USP3: variants seen among roughly 807,000 people sequenced by gnomAD.
USP3 encodes ubiquitin carboxyl-terminal hydrolase 3.
In USP3, 20 loss-of-function variants were observed where a neutral mutation model predicts 72.3. That is an observed-to-expected ratio of 0.28 (90% CI 0.19 to 0.40). The LOEUF is 0.40. USP3 is among the 10% of genes least tolerant of loss of function. The pLI, the probability that USP3 is intolerant of heterozygous loss-of-function variation, is 1.00. For synonymous variants in USP3, 222 were observed against 225.3 expected, an observed-to-expected ratio of 0.99 and a Z score of 0.13; for missense variants, 479 against 633.9, an observed-to-expected ratio of 0.76 and a Z score of 2.62.
chr15:63,526,293 C>T (rs2065980880), intron 1 of USP3, among the ~76,000 whole-genome samples: 1 of 152,182 alleles, frequency 6.6e-6, no homozygotes, highest in African/African-American at 2.4e-5. Context: ...TTGCAACAGT[C>T]AGTGCCTTGA....
chr15:63,565,498 T>G (rs913866639), intron 8 of USP3, among the ~76,000 whole-genome samples: 2 of 152,194 alleles, frequency 1.3e-5, no homozygotes, highest in African/African-American at 2.4e-5. Flanking sequence ...GGTTCAAAAT[T>G]CAAAAGGTAA....
intron 1 of USP3, among the ~76,000 whole-genome samples, chr15:63,509,057 A>C (rs1367130162): frequency 6.6e-6 from 1 of 152,216 alleles, no homozygotes; most frequent in Admixed American, 6.5e-5. Context: ...CAGTGGTAAT[A>C]AATTTGTAAT....
rs578032934 is a variant in USP3, at chr15:63,587,373, G to GATTGCATCAGGAATTGGCACAGGGGCC, written c.1097-930_1097-904dup. On this transcript the variant is annotated intron_variant, in intron 11 of 14. Coordinates refer to ENST00000380324, the MANE Select transcript of USP3 (RefSeq NM_006537.4). ...ATTTTATATAGATTTATGAATATCT[G>GATTGCATCAGGAATTGGCACAGGGGCC]ATTGCATCAGGAATTGGCACAGGGG... Among the ~76,000 whole-genome samples, 204 of 152,226 alleles carry GATTGCATCAGGAATTGGCACAGGGGCC rather than the reference G, an allele frequency of 1.3e-3. 1 individual carries two copies. The East Asian group carries it at 0.022, about 16-fold the overall frequency.
intron 1 of USP3, among the ~76,000 whole-genome samples, chr15:63,506,034 A>G (rs1205709616): frequency 3.9e-5 from 6 of 152,210 alleles, no homozygotes; most frequent in African/African-American, 1.4e-4. Flanking sequence ...GTACTCTGGG[A>G]TAAGGAATAG....
Position 63,556,664 on chromosome 15 carries a change from T to C in USP3, c.369-3T>C, listed in dbSNP as rs1595744972. ...TTTTCACTATCTGTTTGTGTTTTAA[T>C]AGCTCAGCTTTCACAGCTGACAGGC... is the stretch of plus-strand genomic sequence containing the variant. On this transcript the variant is annotated splice_region_variant and splice_polypyrimidine_tract_variant and intron_variant, in intron 4 of 14. Transcript: ENST00000380324. 3 of 1,600,382 alleles carry C rather than the reference T, an allele frequency of 1.9e-6. No individual in the cohort carries two copies. The highest frequency in any genetic ancestry group is 2.6e-6 in the Non-Finnish European group (3 of 1,174,036).
At chr15:63,526,217 TAGACTC>T (rs2065979672) in intron 1 of USP3, among the ~76,000 whole-genome samples, 1 of 152,226 alleles carries the variant, frequency 6.6e-6, no homozygotes, top group African/African-American at 2.4e-5. Flanking sequence ...AGTACATACA[TAGACTC>T]AGAAACACAT....
At chr15:63,578,939 G>C (rs1178378043) in intron 11 of USP3, among the ~76,000 whole-genome samples, 1 of 152,190 alleles carries the variant, frequency 6.6e-6, no homozygotes, top group Admixed American at 6.5e-5. Flanking sequence ...TGGAGAGTGA[G>C]ACTAGGCAGG....
chr15:63,519,504 G>T (rs1243308935), intron 1 of USP3, among the ~76,000 whole-genome samples: 2 of 152,144 alleles, frequency 1.3e-5, no homozygotes, highest in East Asian at 3.9e-4. Flanking sequence ...GTCTTCTCAG[G>T]CATCATATCA....
In USP3 at chr15:63,529,192, C is replaced by CT. The variant is rs768818432; in HGVS notation, c.92-3447dup. The stretch of plus-strand genomic sequence containing the variant: ...GTAGTAAAGTGGTTTTTTTTTTTTT[C>CT]TTTTTTTTGAGATATATTAAAAGGC... On this transcript the variant is annotated intron_variant, in intron 1 of 14. Coordinates refer to ENST00000380324, the MANE Select transcript of USP3 (RefSeq NM_006537.4). The surrounding 1 kb of genome is among the most constrained non-coding windows in gnomAD (Gnocchi z 4.2). The CT allele has an allele frequency of 6.8e-5, 33 of 485,272 alleles. No individual in the cohort carries two copies. Among genetic ancestry groups the CT allele is most frequent in the East Asian group, 1.5e-4 (2 of 13,206 alleles). 30.1% of individuals were successfully genotyped at this position (485,272 alleles called of 1,614,324 possible).
intron 8 of USP3, among the ~76,000 whole-genome samples, chr15:63,567,325 C>T (rs2066706564): frequency 6.6e-6 from 1 of 151,532 alleles, no homozygotes; most frequent in African/African-American, 2.4e-5. Flanking sequence ...CAGGTGTGTA[C>T]CACCATGCCT....
At chr15:63,506,040 A>G (rs987414203) in intron 1 of USP3, among the ~76,000 whole-genome samples, 8 of 152,192 alleles carry the variant, frequency 5.3e-5, no homozygotes, top group Admixed American at 2.0e-4. Context: ...TGGGATAAGG[A>G]ATAGAAATAA....
At chr15:63,575,392 A>G (rs1170423421) in intron 11 of USP3, among the ~76,000 whole-genome samples, 1 of 152,128 alleles carries the variant, frequency 6.6e-6, no homozygotes, top group Non-Finnish European at 1.5e-5. Flanking sequence ...GAGAAGGGCT[A>G]GGCTTCTCTG....
Position 63,553,287 on chromosome 15 carries a change from C to G in USP3, c.285-428C>G, listed in dbSNP as rs1452335229. On this transcript the variant is annotated intron_variant, in intron 3 of 14. Transcript: ENST00000380324. The surrounding 1 kb of genome is among the most constrained non-coding windows in gnomAD (Gnocchi z 4.2). Reference sequence around the variant, plus strand: ...TCCCTACAGGTTAATTACCTCTTCCCTGCTTTTCACTTAAATCTCTCCTTC... The same window carrying G: ...TCCCTACAGGTTAATTACCTCTTCCGTGCTTTTCACTTAAATCTCTCCTTC... 6.5e-6 allele frequency: 1 copy of G among 152,962 alleles called. No individual in the cohort carries two copies. Among genetic ancestry groups the G allele is most frequent in the Admixed American group, 6.5e-5 (1 of 15,284 alleles). 9.5% of individuals were successfully genotyped at this position (152,962 alleles called of 1,614,324 possible).
chr15:63,507,323 A>G (rs1189814448), intron 1 of USP3, among the ~76,000 whole-genome samples: 2 of 152,212 alleles, frequency 1.3e-5, no homozygotes, highest in African/African-American at 4.8e-5. Flanking sequence ...TCTAGGTTCT[A>G]CCAGTTAGCA....
chr15:63,554,441 A>G (rs1474496857), intron 4 of USP3, among the ~76,000 whole-genome samples: 2 of 152,216 alleles, frequency 1.3e-5, no homozygotes, highest in Non-Finnish European at 2.9e-5. Flanking sequence ...TGAAGCAATA[A>G]ACAGAAACCC....
At chr15:63,556,915 T>C in intron 5 of USP3, 167 bp downstream of exon 5, 3 of 548,606 alleles carry the variant, frequency 5.5e-6, no homozygotes, top group Non-Finnish European at 9.9e-6. Flanking sequence ...ATTGTTGCCG[T>C]GACCCCAGTG....
chr15:63,556,798 A>C (rs548494011), intron 5 of USP3, 50 bp downstream of exon 5: 7 of 1,274,938 alleles, frequency 5.5e-6, no homozygotes, highest in Non-Finnish European at 7.7e-6. Context: ...AGATTTAATC[A>C]CTGTTTTGTT....
Position 63,556,329 on chromosome 15 carries a change from CCTTTT to C in USP3, c.369-334_369-330del, listed in dbSNP as rs1449305227. ...AACAGTAGTATCAGACCAGGGTTTT[CCTTTT>C]CTTGTGAGGAATGAACCTTCTGGTC... On this transcript the variant is annotated intron_variant, in intron 4 of 14. Transcript: ENST00000380324. 2.0e-5 allele frequency: 4 copies of C among 197,154 alleles called. No homozygotes were observed. The East Asian group carries it at 4.6e-4, about 23-fold the overall frequency. The allele number at this position is 197,154 out of a possible 1,614,324, so 12.2% of individuals were successfully genotyped here.
rs1015885511 is a variant in USP3 at position 63,559,726 on chromosome 15, T to C, written c.534-131T>C. 8 of 656,308 alleles carry C rather than the reference T, an allele frequency of 1.2e-5. No homozygotes were observed. The Admixed American group carries it at 2.6e-4, about 21-fold the overall frequency. The allele number at this position is 656,308 out of a possible 1,614,324, so 40.7% of individuals were successfully genotyped here. ...TAATGAAGAATCTGAATGCAAGAGATTGCACTGAGTACAGTTTAAATGAGA... is the reference window on the plus strand; with the variant it reads ...TAATGAAGAATCTGAATGCAAGAGACTGCACTGAGTACAGTTTAAATGAGA... On this transcript the variant is annotated intron_variant, in intron 6 of 14. Transcript: ENST00000380324.
Sources: allele counts gnomAD v4.1 joint callset (sites outside exome capture counted in the v4.1 genomes callset), GRCh38; gene constraint gnomAD v4.1.1; non-coding constraint Gnocchi (gnomAD v3.1); transcripts MANE v1.5; gene names NCBI Gene and HGNC (gene_info 2026-07-23, HGNC 2026-07-21).